Variants in ADCY9 observed in about 807,000 individuals in gnomAD.
The protein encoded by ADCY9 is adenylate cyclase 9, also known as adenylate cyclase type 9.
A neutral mutation model predicts 101.5 loss-of-function variants in ADCY9; 50 were observed. The observed-to-expected ratio is 0.49, with a 90% CI of 0.39 to 0.62. The LOEUF is 0.62. Ranked by LOEUF, ADCY9 falls within the 20% of genes least tolerant of loss-of-function variation. The pLI, the probability that ADCY9 is intolerant of heterozygous loss-of-function variation, is 0.00. For synonymous variants in ADCY9, 905 were observed against 769.3 expected (o/e 1.18, Z -2.92); for missense variants, 1,662 against 1,800.4 (o/e 0.92, Z 1.39).
chr16:4,059,378 C>CA (rs1567132912), intron 2 of ADCY9, among the ~76,000 whole-genome samples: 4 of 34,646 alleles, frequency 1.2e-4, no homozygotes, highest in African/African-American at 5.6e-4. Flanking sequence ...GAGAATCCAT[C>CA]GAAAAAAAAA....
Position 4,080,781 on chromosome 16 carries a change from G to A in ADCY9, c.1693+32969C>T, listed in dbSNP as rs886474193. On this transcript the variant is annotated intron_variant, in intron 2 of 10. Transcript: ENST00000294016. ...AAAAACATTCCACATGGCAACCAAG[G>A]TCCCGTAGAGAGCACTTTTTCCCCC... 2.0e-5 allele frequency among the ~76,000 whole-genome samples: 3 copies of A among 150,242 alleles called. No homozygotes were observed. In the Admixed American group the frequency reaches 2.0e-4, roughly 10 times the overall value.
intron 2 of ADCY9, among the ~76,000 whole-genome samples, chr16:4,088,289 G>C (rs1020709214): frequency 6.6e-6 from 1 of 151,794 alleles, no homozygotes; most frequent in Non-Finnish European, 1.5e-5. Context: ...TGAAGATTCT[G>C]GTTTGTTTTT....
chr16:4,087,726 G>C (rs1183667194), intron 2 of ADCY9, among the ~76,000 whole-genome samples: 1 of 151,520 alleles, frequency 6.6e-6, no homozygotes, highest in Non-Finnish European at 1.5e-5. Context: ...GTTACTATTT[G>C]CTCGGATACT....
In ADCY9 at chr16:3,977,527, C is replaced by T; in HGVS notation, c.2783G>A (p.Gly928Glu). 3 of 1,594,880 alleles carry T rather than the reference C, an allele frequency of 1.9e-6. No individual in the cohort carries two copies. Among genetic ancestry groups the T allele is most frequent in the Non-Finnish European group, 2.6e-6 (3 of 1,171,034 alleles). Residue 928 changes from glycine to glutamate, a missense_variant, in exon 9 of 11, where the codon GGG (glycine) becomes GAG (glutamate). This residue lies in a region of ADCY9 where 624 missense variants were observed against 639.1 expected (regional missense o/e 0.98). Coordinates refer to ENST00000294016, the MANE Select transcript of ADCY9 (RefSeq NM_001116.4). Reference protein sequence around the residue: ...WMRSSLATVVGAGPLLLLYVS... With the variant: ...WMRSSLATVVEAGPLLLLYVS... ...GTAGAGCAGGAGCAGCGGCCCGGCC[C>T]CCACGACGGTGGCGAGGGAGGACCT...
rs2057147578 is a variant in ADCY9, at chr16:4,115,775, G to C, written c.-129C>G. 1 of 404,542 alleles carries C rather than the reference G, an allele frequency of 2.5e-6. No individual in the cohort carries two copies. Among genetic ancestry groups the C allele is most frequent in the Non-Finnish European group, 4.3e-6 (1 of 229,990 alleles). 25.1% of individuals were successfully genotyped at this position (404,542 alleles called of 1,614,324 possible). A position where few individuals can be genotyped will look rare whatever the true frequency, so the allele number is the denominator to read the frequency against. On this transcript the variant is annotated 5_prime_UTR_variant, in exon 1 of 11. Transcript: ENST00000294016. The surrounding 1 kb of genome is among the most constrained non-coding windows in gnomAD (Gnocchi z 6.2). ...TCGCCTTCCGCGCCTCTCGCCCCGA[G>C]GGTGGCCTCCGCGCCGCGCGGCTTC...
At position 3,963,494 on chromosome 16, in the gene ADCY9, AG is replaced by A; in HGVS notation, c.*2280del. ...CTGCACTGGCTGTTTAGGAAGGCTC[AG>A]GGTGTTTGAAAGACAACGTTAAGCT... On this transcript the variant is annotated 3_prime_UTR_variant, in exon 11 of 11. Coordinates refer to ENST00000294016, the MANE Select transcript of ADCY9 (RefSeq NM_001116.4). The A allele has an allele frequency of 2.6e-6, 1 of 390,996 alleles. No homozygotes were observed. Among genetic ancestry groups the A allele is most frequent in the East Asian group, 3.6e-5 (1 of 27,614 alleles). The allele number at this position is 390,996 out of a possible 1,614,324, so 24.2% of individuals were successfully genotyped here. A position where few individuals can be genotyped will look rare whatever the true frequency, so the allele number is the denominator to read the frequency against.
chr16:4,018,279 T>C (rs1308948849), intron 2 of ADCY9, among the ~76,000 whole-genome samples: 1 of 151,478 alleles, frequency 6.6e-6, no homozygotes, highest in Non-Finnish European at 1.5e-5. Context: ...AGTGGCATGA[T>C]CTCGGCTCAC....
chr16:3,977,446 G>A (rs2056101577), intron 9 of ADCY9, 36 bp downstream of exon 9: 21 of 1,537,614 alleles, frequency 1.4e-5, no homozygotes, highest in Middle Eastern at 2.0e-4. Flanking sequence ...AGGTGGCCAC[G>A]CACCCTGGTG....
chr16:4,057,049 C>A (rs1303461892), intron 2 of ADCY9, among the ~76,000 whole-genome samples: 4 of 132,156 alleles, frequency 3.0e-5, no homozygotes, highest in Non-Finnish European at 3.4e-5. Flanking sequence ...CCCCCCCCCC[C>A]CCCGCCAATC....
intron 2 of ADCY9, among the ~76,000 whole-genome samples, chr16:4,031,317 C>G (rs765256517): frequency 1.2e-4 from 18 of 152,084 alleles, no homozygotes; most frequent in African/African-American, 1.7e-4. Context: ...GTTAACGGTT[C>G]AATGGCTCAG....
intron 2 of ADCY9, among the ~76,000 whole-genome samples, chr16:4,073,348 A>C (rs995381829): frequency 6.6e-6 from 1 of 151,602 alleles, no homozygotes; most frequent in African/African-American, 2.4e-5. Context: ...CAGCCTCCCA[A>C]AGTGCTGGAA....
intron 2 of ADCY9, among the ~76,000 whole-genome samples, chr16:4,106,435 T>C (rs1290401481): frequency 6.6e-6 from 1 of 152,184 alleles, no homozygotes; most frequent in African/African-American, 2.4e-5. Flanking sequence ...CCACTTCCCT[T>C]GCCAGTTCCC....
intron 2 of ADCY9, among the ~76,000 whole-genome samples, chr16:4,064,739 A>G (rs1054039769): frequency 6.6e-6 from 1 of 152,136 alleles, no homozygotes; most frequent in African/African-American, 2.4e-5. Context: ...TGGACCTCCC[A>G]AAGTGCTGGG....
intron 9 of ADCY9, among the ~76,000 whole-genome samples, chr16:3,976,230 A>G (rs889077945): frequency 2.0e-5 from 3 of 152,136 alleles, no homozygotes; most frequent in African/African-American, 7.2e-5. Flanking sequence ...GAGCTCAGAC[A>G]ATCCACCCGC....
intron 2 of ADCY9, among the ~76,000 whole-genome samples, chr16:4,047,729 T>C (rs1235136084): frequency 1.3e-5 from 2 of 150,792 alleles, no homozygotes; most frequent in Admixed American, 6.6e-5. Context: ...GGTTGAAATC[T>C]ATGACCAAGC....
intron 2 of ADCY9, among the ~76,000 whole-genome samples, chr16:4,063,047 ATTCTT>A (rs753011928): frequency 1.3e-5 from 2 of 152,220 alleles, no homozygotes; most frequent in Non-Finnish European, 2.9e-5. Context: ...TAGAATATAT[ATTCTT>A]TTCAAGTGTA....
chr16:3,994,002 G>A (rs976005227), intron 3 of ADCY9, among the ~76,000 whole-genome samples: 2 of 152,158 alleles, frequency 1.3e-5, no homozygotes, highest in African/African-American at 4.8e-5. Flanking sequence ...GGGAGTGGCT[G>A]CTAAGGGGCG....
intron 2 of ADCY9, among the ~76,000 whole-genome samples, chr16:4,014,557 C>A (rs138168461): frequency 6.6e-5 from 10 of 151,512 alleles, no homozygotes; most frequent in Non-Finnish European, 1.3e-4. Context: ...AAGGAATACT[C>A]CTGCCTCAGC....
intron 2 of ADCY9, among the ~76,000 whole-genome samples, chr16:4,064,837 T>A (rs2056791625): frequency 6.6e-6 from 1 of 151,902 alleles, no homozygotes; most frequent in Admixed American, 6.6e-5. Context: ...AAGAAAAAAA[T>A]GTACAACTAA....
Sources: allele counts gnomAD v4.1 joint callset (sites outside exome capture counted in the v4.1 genomes callset), GRCh38; gene constraint gnomAD v4.1.1; regional missense constraint gnomAD v4.1.1; non-coding constraint Gnocchi (gnomAD v3.1); transcripts MANE v1.5; gene names NCBI Gene and HGNC (gene_info 2026-07-23, HGNC 2026-07-21).